LCP1: variants seen among roughly 807,000 people sequenced by gnomAD.
LCP1 encodes plastin-2.
A neutral mutation model predicts 72.0 loss-of-function variants in LCP1; 23 were observed. That is an observed-to-expected ratio of 0.32 (90% CI 0.23 to 0.45). The LOEUF is 0.45. Among genes scored for constraint, LCP1 ranks in the 20% least tolerant of loss-of-function variants. The pLI is 1.00. For synonymous variants in LCP1, 245 were observed against 275.4 expected, an observed-to-expected ratio of 0.89 and a Z score of 1.09; for missense variants, 571 against 748.3, an observed-to-expected ratio of 0.76 and a Z score of 2.76.
chr13:46,163,643 A>C (rs570726370), intron 1 of LCP1, among the ~76,000 whole-genome samples: 24 of 151,186 alleles, frequency 1.6e-4, no homozygotes, highest in African/African-American at 4.2e-4. Context: ...TAAAAAAAAA[A>C]AAAAAAAAAC....
chr13:46,170,564 C>T (rs2045900167), intron 1 of LCP1, among the ~76,000 whole-genome samples: 1 of 152,128 alleles, frequency 6.6e-6, no homozygotes, highest in African/African-American at 2.4e-5. Flanking sequence ...GAGGGGCAAA[C>T]CCACCTGGGA....
intron 15 of LCP1, among the ~76,000 whole-genome samples, chr13:46,129,014 T>C (rs376637284): frequency 7.2e-5 from 11 of 152,276 alleles, no homozygotes; most frequent in African/African-American, 2.4e-4. Flanking sequence ...AGTGGTCCCA[T>C]TTTTTCTCCT....
chr13:46,140,876 C>T (rs866249784), intron 13 of LCP1, among the ~76,000 whole-genome samples: 11 of 152,086 alleles, frequency 7.2e-5, no homozygotes, highest in Admixed American at 3.9e-4. Context: ...GATTAGTGAA[C>T]TTGAAAACAC....
chr13:46,154,923 T>TGGCCGGGCGCGGTGGCTCA, intron 5 of LCP1, 37 bp from the exon 6 acceptor site: 1 of 1,515,150 alleles, frequency 6.6e-7, no homozygotes, highest in Non-Finnish European at 9.2e-7. Context: ...AAAGCAGTCT[T>TGGCCGGGCGCGGTGGCTCA]CTGAATAACA....
chr13:46,156,460 C>T lies in LCP1; in HGVS notation c.469G>A (p.Val157Ile), dbSNP rs1566441057. ...NPNTNDLFNA[V>I]GDGIVLCKMI... ...TACCAAAGGACAATGCCATCTCCAA[C>T]AGCATTAAAGAGATCATTCGTGTTT... The change falls in exon 5 of 16, where the codon GTT becomes ATT. Residue 157 changes from valine to isoleucine, a missense_variant. By Grantham distance (29) the Val-to-Ile change is conservative. Transcript: ENST00000323076. The T allele has an allele frequency of 1.2e-6, 2 of 1,613,490 alleles. No individual in the cohort carries two copies. The highest frequency in any genetic ancestry group is 1.7e-6 in the Non-Finnish European group (2 of 1,179,748).
chr13:46,163,721 G>A (rs1189679016), intron 1 of LCP1, among the ~76,000 whole-genome samples: 1 of 151,786 alleles, frequency 6.6e-6, no homozygotes, highest in Admixed American at 6.6e-5. Flanking sequence ...AATATAGTGA[G>A]CTTGTCCAGT....
intron 1 of LCP1, among the ~76,000 whole-genome samples, chr13:46,177,999 G>C (rs2138290177): frequency 6.6e-6 from 1 of 152,286 alleles, no homozygotes; most frequent in Admixed American, 6.5e-5. Flanking sequence ...TGAGGGCTTA[G>C]TTACAAATAA....
chr13:46,173,680 C>T (rs922508624), intron 1 of LCP1, among the ~76,000 whole-genome samples: 3 of 152,178 alleles, frequency 2.0e-5, no homozygotes, highest in Admixed American at 2.0e-4. Context: ...CTTATTTTGG[C>T]TTTGGTACCA....
intron 1 of LCP1, among the ~76,000 whole-genome samples, chr13:46,177,437 C>G (rs1304079755): frequency 6.6e-6 from 1 of 152,028 alleles, no homozygotes; most frequent in Non-Finnish European, 1.5e-5. Context: ...GTCAGGAGAT[C>G]GAGACCGTCC....
chr13:46,181,716 C>A (rs73189845), intron 1 of LCP1, among the ~76,000 whole-genome samples: 5,414 of 152,214 alleles, frequency 0.036, 147 homozygotes, highest in East Asian at 0.095. Flanking sequence ...GCCAATAAGC[C>A]ATACAATCTA....
At chr13:46,174,799 T>C (rs1051330892) in intron 1 of LCP1, among the ~76,000 whole-genome samples, 14 of 148,272 alleles carry the variant, frequency 9.4e-5, no homozygotes, top group Non-Finnish European at 1.9e-4. Flanking sequence ...TGAGCTAAGA[T>C]TGTGCCTGGG....
chr13:46,166,054 G>A (rs993071715), intron 1 of LCP1, among the ~76,000 whole-genome samples: 25 of 152,166 alleles, frequency 1.6e-4, no homozygotes, highest in Non-Finnish European at 3.5e-4. Context: ...AAGGGTGCTG[G>A]TATTTCCCAA....
intron 5 of LCP1, 81 bp from the exon 6 acceptor site, chr13:46,154,967 T>G: frequency 2.0e-6 from 2 of 1,018,012 alleles, no homozygotes; most frequent in Non-Finnish European, 3.1e-6. Flanking sequence ...ATTCTAGCAA[T>G]ACCATAATCA....
chr13:46,178,262 C>T (rs1213228887), intron 1 of LCP1, among the ~76,000 whole-genome samples: 2 of 152,094 alleles, frequency 1.3e-5, no homozygotes, highest in South Asian at 2.1e-4. Context: ...TTAATTGAAG[C>T]GCCTTCCACT....
intron 13 of LCP1, among the ~76,000 whole-genome samples, chr13:46,135,117 A>G (rs1330028418): frequency 7.1e-6 from 1 of 140,700 alleles, no homozygotes; most frequent in Non-Finnish European, 1.6e-5. Flanking sequence ...TCAAAAAAAA[A>G]AAAAAAGAAA....
At chr13:46,164,060 C>T (rs544268957) in intron 1 of LCP1, among the ~76,000 whole-genome samples, 51 of 152,266 alleles carry the variant, frequency 3.3e-4, no homozygotes, top group African/African-American at 9.4e-4. Context: ...TAGGTAAGCA[C>T]GTCTATATTG....
intron 1 of LCP1, among the ~76,000 whole-genome samples, chr13:46,166,004 T>C (rs1443978203): frequency 6.6e-6 from 1 of 152,182 alleles, no homozygotes; most frequent in Admixed American, 6.5e-5. Context: ...CCACAAAGCC[T>C]GTTCATTTCT....
At chr13:46,137,055 C>G (rs778041168) in intron 13 of LCP1, among the ~76,000 whole-genome samples, 10 of 152,166 alleles carry the variant, frequency 6.6e-5, no homozygotes, top group Non-Finnish European at 1.2e-4. Flanking sequence ...AGAGGTATAG[C>G]AAATTGTGGA....
At position 46,148,291 on chromosome 13, in the gene LCP1, T is replaced by C. The variant is rs114861198; in HGVS notation, c.978+61A>G. The C allele has an allele frequency of 3.6e-3, 4,327 of 1,203,214 alleles. 99 individuals are homozygous for C. The African/African-American group carries it at 0.055, about 15-fold the overall frequency. The allele number at this position is 1,203,214 out of a possible 1,614,324, so 74.5% of individuals were successfully genotyped here. A position where few individuals can be genotyped will look rare whatever the true frequency, so the allele number is the denominator to read the frequency against. On this transcript the variant is annotated intron_variant, in intron 9 of 15. Transcript: ENST00000323076. ...CCAGAATCAGGGCCACACAAGGTAA[T>C]GGAACTGCCAACATGAAAATAGCAT...
Sources: gnomAD v4.1 joint callset for allele counts (sites outside exome capture counted in the v4.1 genomes callset) on GRCh38, gnomAD v4.1.1 for gene constraint, MANE v1.5 for transcripts, NCBI Gene and HGNC (gene_info 2026-07-23, HGNC 2026-07-21) for gene names.